RTN3: variants seen among roughly 807,000 people sequenced by gnomAD.
RTN3 encodes the protein reticulon 3.
A neutral mutation model predicts 77.8 loss-of-function variants in RTN3; 49 were observed. The ratio of observed to expected loss-of-function variants is 0.63; its 90% CI spans 0.50 to 0.80. RTN3 has a LOEUF of 0.80. Ranked by LOEUF, RTN3 falls within the 30% of genes least tolerant of loss-of-function variation. The pLI, the probability that RTN3 is intolerant of heterozygous loss-of-function variation, is 0.00. For missense variants in RTN3, 1,236 were observed against 1,211.9 expected, an observed-to-expected ratio of 1.02 and a Z score of -0.29; for synonymous variants, 464 against 446.9, an observed-to-expected ratio of 1.04 and a Z score of -0.48.
intron 3 of RTN3, among the ~76,000 whole-genome samples, chr11:63,722,242 T>C (rs2011872348): frequency 6.6e-6 from 1 of 152,206 alleles, no homozygotes; most frequent in Non-Finnish European, 1.5e-5. Flanking sequence ...TGATTATAGA[T>C]CTTTTATCAA....
At chr11:63,687,564 A>G (rs749094751) in intron 1 of RTN3, among the ~76,000 whole-genome samples, 3 of 151,748 alleles carry the variant, frequency 2.0e-5, no homozygotes, top group Non-Finnish European at 4.4e-5. Flanking sequence ...GAGCCAAGAT[A>G]GCGCCATTGC....
At chr11:63,687,522 A>C (rs1941437078) in intron 1 of RTN3, among the ~76,000 whole-genome samples, 1 of 152,050 alleles carries the variant, frequency 6.6e-6, no homozygotes, top group African/African-American at 2.4e-5. Context: ...AGGCAGGAGA[A>C]TCACTTGAAC....
rs1256678065 is a variant in RTN3, at chr11:63,697,240, A to G, written c.143-7611A>G. Among the ~76,000 whole-genome samples the G allele has an allele frequency of 2.0e-5, 3 of 152,092 alleles. No homozygotes were observed. The East Asian group carries it at 5.8e-4, about 29-fold the overall frequency. Reference sequence around the variant, plus strand: ...AGAATATCGTGATGAATAATCTTATAGCCACATATTTGCACTGGTTATTTA... The same window carrying G: ...AGAATATCGTGATGAATAATCTTATGGCCACATATTTGCACTGGTTATTTA... On this transcript the variant is annotated intron_variant, in intron 1 of 8. Coordinates refer to ENST00000377819, the MANE Select transcript of RTN3 (RefSeq NM_001265589.2).
chr11:63,720,906 G>C lies in RTN3; in HGVS notation c.2404G>C (p.Asp802His). 4 of 1,614,074 alleles carry C rather than the reference G, an allele frequency of 2.5e-6. No individual in the cohort carries two copies. The highest frequency in any genetic ancestry group is 3.4e-6 in the Non-Finnish European group (4 of 1,180,024). ...ILERNVKNGS[D>H]LGISQKPITI... Reference sequence around the variant, plus strand: ...AGAACGTAATGTCAAGAATGGATCTGATCTTGGGATTTCCCAGAAGCCCAT... The same window carrying C: ...AGAACGTAATGTCAAGAATGGATCTCATCTTGGGATTTCCCAGAAGCCCAT... Residue 802 changes from aspartate (D) to histidine (H), a missense_variant, in exon 3 of 9, where the codon GAT (aspartate) becomes CAT (histidine). Physicochemically the swap from Asp to His is moderately conservative, Grantham distance 81 (BLOSUM62 -1). Around this residue, in one of 3 missense-constraint regions of RTN3, gnomAD observed 1,056 missense variants for 990.4 expected, o/e 1.07. Transcript: ENST00000377819.
intron 7 of RTN3, 23 bp downstream of exon 7, chr11:63,753,731 T>G: frequency 6.2e-7 from 1 of 1,606,128 alleles, no homozygotes; most frequent in Middle Eastern, 1.7e-4. Flanking sequence ...CTGTTCCAAA[T>G]CAAATGTGCC....
chr11:63,745,273 A>AG (rs2013727674), intron 3 of RTN3, among the ~76,000 whole-genome samples: 1 of 152,212 alleles, frequency 6.6e-6, no homozygotes, highest in African/African-American at 2.4e-5. Context: ...GACTAGTTTA[A>AG]GGGGAATTAT....
At chr11:63,703,402 AT>A (rs1252236987) in intron 1 of RTN3, among the ~76,000 whole-genome samples, 1 of 152,160 alleles carries the variant, frequency 6.6e-6, no homozygotes, top group East Asian at 1.9e-4. Flanking sequence ...TTAAAAAAAA[AT>A]AACTTTAGGG....
intron 3 of RTN3, among the ~76,000 whole-genome samples, chr11:63,734,433 C>G (rs1397734197): frequency 2.7e-5 from 4 of 150,420 alleles, no homozygotes; most frequent in African/African-American, 2.5e-5. Context: ...GGTAACAAAT[C>G]AAGACTGTCT....
chr11:63,694,874 A>G (rs1013432489), intron 1 of RTN3, among the ~76,000 whole-genome samples: 3 of 152,242 alleles, frequency 2.0e-5, no homozygotes, highest in Non-Finnish European at 4.4e-5. Flanking sequence ...ATTTACTCTA[A>G]TAAATGGTGC....
intron 3 of RTN3, among the ~76,000 whole-genome samples, chr11:63,723,233 G>T (rs1401713439): frequency 6.6e-6 from 1 of 151,998 alleles, no homozygotes; most frequent in Non-Finnish European, 1.5e-5. Flanking sequence ...AAGAAGACCG[G>T]TATAGTTAGA....
intron 1 of RTN3, 119 bp downstream of exon 1, chr11:63,681,897 G>GC (rs766295192): frequency 3.3e-5 from 36 of 1,107,340 alleles, no homozygotes; most frequent in Non-Finnish European, 4.2e-5. Context: ...GACGGCTTCA[G>GC]CCCCCCGGGG....
At chr11:63,698,645 C>CAT (rs1565305874) in intron 1 of RTN3, 1 of 176,892 alleles carries the variant, frequency 5.7e-6, no homozygotes, top group African/African-American at 2.4e-5. Context: ...GGAAACTTAA[C>CAT]ATGATCTAAG....
intron 7 of RTN3, 148 bp downstream of exon 7, chr11:63,753,856 T>C (rs949293542): frequency 4.6e-6 from 3 of 645,766 alleles, no homozygotes; most frequent in Non-Finnish European, 8.0e-6. Flanking sequence ...AAGAAACTGG[T>C]GGCAGTAGTT....
chr11:63,758,581 T>C lies in RTN3; in HGVS notation c.*380T>C. 2.3e-6 allele frequency: 1 copy of C among 442,772 alleles called. No homozygotes were observed. The highest frequency in any genetic ancestry group is 3.9e-6 in the Non-Finnish European group (1 of 253,322). The allele number at this position is 442,772 out of a possible 1,614,324, so 27.4% of individuals were successfully genotyped here. A position where few individuals can be genotyped will look rare whatever the true frequency, so the allele number is the denominator to read the frequency against. On this transcript the variant is annotated 3_prime_UTR_variant, in exon 9 of 9. Transcript: ENST00000377819. ...ACTAGTCTTACTCAGCTATCCATTATAGTTTTGCCCTTAAGAAGTCATGAT... is the reference window on the plus strand; with the variant it reads ...ACTAGTCTTACTCAGCTATCCATTACAGTTTTGCCCTTAAGAAGTCATGAT...
In RTN3 at chr11:63,755,651, CAAAAAAAAAAA is replaced by C. The variant is rs776039864; in HGVS notation, c.2995-445_2995-435del. 1.0e-3 allele frequency among the ~76,000 whole-genome samples: 17 copies of C among 17,058 alleles called. 1 individual carries two copies. Among genetic ancestry groups the C allele is most frequent in the East Asian group, 8.6e-3 (3 of 348 alleles). The allele number at this position is 17,058 out of a possible 152,430, so 11.2% of individuals were successfully genotyped here. On this transcript the variant is annotated intron_variant, in intron 7 of 8. Transcript: ENST00000377819. ...GGACAACAAGAACAAAATTCCATCT[CAAAAAAAAAAA>C]AAAAAAAAAAAAAAAGGCTGGGCAC...
intron 1 of RTN3, among the ~76,000 whole-genome samples, chr11:63,693,366 C>G (rs1382555311): frequency 1.3e-5 from 2 of 151,898 alleles, no homozygotes; most frequent in Admixed American, 1.3e-4. Flanking sequence ...GCCTGTAATC[C>G]CAGCTACTTG....
intron 1 of RTN3, among the ~76,000 whole-genome samples, chr11:63,699,541 G>GT (rs1197870390): frequency 1.3e-5 from 2 of 152,120 alleles, no homozygotes; most frequent in Non-Finnish European, 2.9e-5. Flanking sequence ...TGCTGCCAGA[G>GT]TTCTTTCTAA....
intron 3 of RTN3, among the ~76,000 whole-genome samples, chr11:63,721,892 T>C (rs904799337): frequency 1.3e-5 from 2 of 152,192 alleles, no homozygotes; most frequent in African/African-American, 4.8e-5. Flanking sequence ...TAACCAGTAT[T>C]GTAGTACTAT....
chr11:63,699,352 C>A (rs1340800987), intron 1 of RTN3, among the ~76,000 whole-genome samples: 1 of 151,958 alleles, frequency 6.6e-6, no homozygotes, highest in African/African-American at 2.4e-5. Context: ...CATGGCATTT[C>A]ATTTAGTCCC....
Sources: allele counts gnomAD v4.1 joint callset (sites outside exome capture counted in the v4.1 genomes callset), GRCh38; gene constraint gnomAD v4.1.1; regional missense constraint gnomAD v4.1.1; transcripts MANE v1.5; gene names NCBI Gene and HGNC (gene_info 2026-07-23, HGNC 2026-07-21).